The following ANK3 variants were observed in gnomAD, a reference collection of about 807,000 sequenced individuals.
ANK3 encodes ankyrin-3.
Under a neutral mutation model 370.9 loss-of-function variants are expected in ANK3, and 57 were observed. That is an observed-to-expected ratio of 0.15 (90% CI 0.12 to 0.19). The LOEUF is 0.19. Ranked by LOEUF, ANK3 falls within the 10% of genes least tolerant of loss-of-function variation. The probability of loss-of-function intolerance (pLI) is 1.00; values close to 1 mark genes in which losing one functional copy is unlikely to be tolerated. For synonymous variants in ANK3, 1,929 were observed against 1,946.3 expected, an observed-to-expected ratio of 0.99 and a Z score of 0.23; for missense variants, 4,439 against 5,302.1, an observed-to-expected ratio of 0.84 and a Z score of 5.06.
At position 60,575,197 on chromosome 10, in the gene ANK3, A is replaced by G. The variant is rs145332347; in HGVS notation, c.96+39989T>C. Among the ~76,000 whole-genome samples, 1,282 of 152,342 alleles carry G rather than the reference A, an allele frequency of 8.4e-3. 13 individuals carry two copies. The highest frequency in any genetic ancestry group is 0.013 in the Non-Finnish European group (867 of 68,034). On this transcript the variant is annotated intron_variant, in intron 2 of 43. Transcript: ENST00000373827. ...AAAATTTAGGAAATTGATCGAATAA[A>G]CATGAATTGGCAGGAAATGAATCAA...
At chr10:60,476,208 T>C (rs1434166018) in intron 2 of ANK3, among the ~76,000 whole-genome samples, 3 of 152,188 alleles carry the variant, frequency 2.0e-5, no homozygotes, top group South Asian at 4.1e-4. Flanking sequence ...AAGAGAACAA[T>C]GAAGTTCCAA....
chr10:60,409,448 T>C (rs1303586908), intron 2 of ANK3, among the ~76,000 whole-genome samples: 1 of 152,232 alleles, frequency 6.6e-6, no homozygotes, highest in Non-Finnish European at 1.5e-5. Context: ...AATTCTTTTC[T>C]GATTAAGTAA....
chr10:60,363,147 T>C lies in ANK3; in HGVS notation c.114+26278A>G, dbSNP rs567262913. On this transcript the variant is annotated intron_variant, in intron 1 of 43. Transcript: ENST00000280772. The stretch of plus-strand genomic sequence containing the variant: ...CTGGCCAGCGGGATATAAACCCAGG[T>C]TGGTTGTGACTTCTGGGAAGGCATC... Among the ~76,000 whole-genome samples the C allele has an allele frequency of 4.8e-3, 735 of 151,816 alleles. 3 individuals carry two copies. The highest frequency in any genetic ancestry group is 0.017 in the African/African-American group (714 of 41,352).
At chr10:60,040,085 T>C in intron 43 of ANK3, among the ~76,000 whole-genome samples, 1 of 152,334 alleles carries the variant, frequency 6.6e-6, no homozygotes, top group East Asian at 1.9e-4. Context: ...TTGTAAACTA[T>C]AAATCACTAT....
At chr10:60,440,708 G>C (rs2064278807) in intron 2 of ANK3, among the ~76,000 whole-genome samples, 1 of 152,118 alleles carries the variant, frequency 6.6e-6, no homozygotes. Flanking sequence ...TTAGGAGTGG[G>C]GAACAGGAAT....
intron 2 of ANK3, among the ~76,000 whole-genome samples, chr10:60,535,109 G>T (rs2076693430): frequency 6.6e-6 from 1 of 152,100 alleles, no homozygotes; most frequent in East Asian, 1.9e-4. Flanking sequence ...AAACTATTCA[G>T]CATTGCCACT....
intron 2 of ANK3, among the ~76,000 whole-genome samples, chr10:60,409,834 T>C (rs1450784409): frequency 6.6e-6 from 1 of 152,200 alleles, no homozygotes; most frequent in Admixed American, 6.5e-5. Flanking sequence ...TTTAAAAATA[T>C]ATGATGTGCC....
At chr10:60,327,845 C>A (rs753363691) in intron 1 of ANK3, among the ~76,000 whole-genome samples, 2 of 152,090 alleles carry the variant, frequency 1.3e-5, no homozygotes, top group Non-Finnish European at 2.9e-5. Flanking sequence ...GCCTAGTAAA[C>A]TGTATTGTTA....
chr10:60,171,112 C>T (rs1426868268), intron 21 of ANK3, among the ~76,000 whole-genome samples: 1 of 151,906 alleles, frequency 6.6e-6, no homozygotes, highest in Non-Finnish European at 1.5e-5. Flanking sequence ...TTTTTGAGAA[C>T]TTAATGATAG....
chr10:60,651,421 C>A (rs536081151), intron 1 of ANK3, among the ~76,000 whole-genome samples: 8 of 152,204 alleles, frequency 5.3e-5, no homozygotes, highest in Admixed American at 5.2e-4. Context: ...TCACATAAAG[C>A]CCAAAACTTT....
intron 7 of ANK3, among the ~76,000 whole-genome samples, chr10:60,235,394 T>C (rs1057272747): frequency 6.6e-6 from 1 of 152,166 alleles, no homozygotes; most frequent in African/African-American, 2.4e-5. Context: ...ATAACCAGAT[T>C]GTTAGGATTA....
chr10:60,678,345 C>T (rs1209978277), intron 1 of ANK3, among the ~76,000 whole-genome samples: 1 of 152,038 alleles, frequency 6.6e-6, no homozygotes, highest in African/African-American at 2.4e-5. Flanking sequence ...CAAATGATTA[C>T]TTAAGAAACA....
At chr10:60,338,888 T>C (rs2053628239) in intron 1 of ANK3, among the ~76,000 whole-genome samples, 1 of 150,594 alleles carries the variant, frequency 6.6e-6, no homozygotes. Context: ...TGTAGAAAAA[T>C]TTTAGTTACC....
In ANK3 at chr10:60,071,179, A is replaced by G. The variant is rs2082616407; in HGVS notation, c.9702T>C (p.Asn3234=). Residue 3234 remains asparagine (N), a synonymous_variant, in exon 37 of 44, where the codon AAT becomes AAC. Transcript: ENST00000280772. ...TTTGGTTAGAGTCTTTGCTCACGTC[A>G]TTAGGCATTTCACGCTCAACTGCTG... ...EETAVEREMP[N]DVSKDSNQRP... is the part of the protein sequence containing the mutation. The G allele has an allele frequency of 6.2e-6, 10 of 1,614,146 alleles. No homozygotes were observed. The highest frequency in any genetic ancestry group is 8.5e-6 in the Non-Finnish European group (10 of 1,180,000).
At chr10:60,543,888 T>C (rs1595244743) in intron 2 of ANK3, among the ~76,000 whole-genome samples, 1 of 152,192 alleles carries the variant, frequency 6.6e-6, no homozygotes, top group Non-Finnish European at 1.5e-5. Flanking sequence ...TTTTCTCTTC[T>C]AAACTTCTAT....
At chr10:60,094,042 G>A (rs1334280111) in intron 28 of ANK3, among the ~76,000 whole-genome samples, 1 of 151,990 alleles carries the variant, frequency 6.6e-6, no homozygotes, top group East Asian at 1.9e-4. Flanking sequence ...AACTAATGTG[G>A]GAATTTCAGG....
At chr10:60,376,468 A>G (rs1291975637) in intron 1 of ANK3, among the ~76,000 whole-genome samples, 4 of 152,206 alleles carry the variant, frequency 2.6e-5, no homozygotes, top group Non-Finnish European at 5.9e-5. Context: ...TTTGAATCTT[A>G]TCCTACAGAA....
At chr10:60,269,008 T>C (rs796208328) in intron 5 of ANK3, among the ~76,000 whole-genome samples, 28 of 152,372 alleles carry the variant, frequency 1.8e-4, no homozygotes, top group African/African-American at 6.5e-4. Context: ...TGAGATTAGA[T>C]GCAGTTTATC....
chr10:60,450,442 C>T (rs1265787377), intron 2 of ANK3, among the ~76,000 whole-genome samples: 2 of 152,132 alleles, frequency 1.3e-5, no homozygotes, highest in Non-Finnish European at 2.9e-5. Flanking sequence ...TCTTTCTAGA[C>T]AGTATGAGCT....
Sources: gnomAD v4.1 joint callset for allele counts (sites outside exome capture counted in the v4.1 genomes callset) on GRCh38, gnomAD v4.1.1 for gene constraint, MANE v1.5 for transcripts, NCBI Gene and HGNC (gene_info 2026-07-23, HGNC 2026-07-21) for gene names.